The following CACNG2 variants were observed in gnomAD, a reference collection of about 807,000 sequenced individuals.
CACNG2 encodes the protein calcium voltage-gated channel auxiliary subunit gamma 2.
Under a neutral mutation model 25.9 loss-of-function variants are expected in CACNG2, and 3 were observed. The ratio of observed to expected loss-of-function variants is 0.12; its 90% confidence interval spans 0.05 to 0.30. The LOEUF (loss-of-function observed/expected upper bound fraction) is 0.30, where lower values mean the gene tolerates loss of function less well. Ranked by LOEUF, CACNG2 falls within the 10% of genes least tolerant of loss-of-function variation. The probability of loss-of-function intolerance (pLI) is 1.00; values close to 1 mark genes in which losing one functional copy is unlikely to be tolerated. For missense variants in CACNG2, 341 were observed against 432.5 expected (o/e 0.79, Z 1.88); for synonymous variants, 167 against 173.3 (o/e 0.96, Z 0.29).
rs1935068972 is a variant in CACNG2, at chr22:36,563,753, C to A, written c.*598G>T. Among the ~76,000 whole-genome samples, 1 of 151,804 alleles carries A rather than the reference C, an allele frequency of 6.6e-6. No individual in the cohort carries two copies. The highest frequency in any genetic ancestry group is 2.1e-4 in the South Asian group (1 of 4,816). On this transcript the variant is annotated 3_prime_UTR_variant, in exon 4 of 4. Coordinates refer to ENST00000300105, the MANE Select transcript of CACNG2 (RefSeq NM_006078.5). ...TGGCAGTGACTGCAGGCTCACCTGG[C>A]CCCAGGGCCCCTGAGTCTCGCCCCC...
chr22:36,671,161 C>A (rs1409011575), intron 1 of CACNG2, among the ~76,000 whole-genome samples: 1 of 152,144 alleles, frequency 6.6e-6, no homozygotes, highest in African/African-American at 2.4e-5. Flanking sequence ...TCATGATCTG[C>A]CTGCCTCAGC....
intron 1 of CACNG2, among the ~76,000 whole-genome samples, chr22:36,608,362 A>T (rs1357495035): frequency 6.6e-6 from 1 of 152,102 alleles, no homozygotes; most frequent in African/African-American, 2.4e-5. Flanking sequence ...CATCTCTTGT[A>T]TTGCTGTCTT....
chr22:36,697,892 G>A (rs1456585715), intron 1 of CACNG2, among the ~76,000 whole-genome samples: 7 of 152,152 alleles, frequency 4.6e-5, no homozygotes, highest in African/African-American at 1.7e-4. Context: ...GCAGAAAAGG[G>A]AAGAAAATCA....
At chr22:36,642,637 G>A (rs1433086348) in intron 1 of CACNG2, among the ~76,000 whole-genome samples, 1 of 152,202 alleles carries the variant, frequency 6.6e-6, no homozygotes, top group Non-Finnish European at 1.5e-5. Flanking sequence ...TTGATCATGA[G>A]GAATTTTCCT....
intron 2 of CACNG2, among the ~76,000 whole-genome samples, chr22:36,581,604 C>T (rs1168655119): frequency 6.6e-6 from 1 of 152,112 alleles, no homozygotes; most frequent in Non-Finnish European, 1.5e-5. Context: ...TGGGAGTTAC[C>T]CCAGACACCT....
intron 1 of CACNG2, among the ~76,000 whole-genome samples, chr22:36,684,395 C>G (rs1472020316): frequency 6.6e-6 from 1 of 151,930 alleles, no homozygotes; most frequent in Admixed American, 6.6e-5. Context: ...GTGGGTGGAT[C>G]CCTTGAGCTC....
At chr22:36,631,709 C>T (rs1936273966) in intron 1 of CACNG2, among the ~76,000 whole-genome samples, 1 of 151,374 alleles carries the variant, frequency 6.6e-6, no homozygotes, top group Non-Finnish European at 1.5e-5. Flanking sequence ...GGCAAACTAG[C>T]TGGAACTGCC....
At chr22:36,668,995 GC>G (rs1483987617) in intron 1 of CACNG2, among the ~76,000 whole-genome samples, 1 of 152,260 alleles carries the variant, frequency 6.6e-6, no homozygotes, top group Non-Finnish European at 1.5e-5. Flanking sequence ...TCTTTTCTTA[GC>G]CTGCTGATTC....
At chr22:36,663,354 A>G (rs1287067380) in intron 1 of CACNG2, among the ~76,000 whole-genome samples, 1 of 152,162 alleles carries the variant, frequency 6.6e-6, no homozygotes, top group Non-Finnish European at 1.5e-5. Flanking sequence ...ACTTCGAGGA[A>G]AGGGCCACCC....
At position 36,644,801 on chromosome 22, in the gene CACNG2, T is replaced by G. The variant is rs80187737; in HGVS notation, c.212-57253A>C. Among the ~76,000 whole-genome samples, 1,354 of 152,138 alleles carry G rather than the reference T, an allele frequency of 8.9e-3. 28 individuals are homozygous for G. The highest frequency in any genetic ancestry group is 0.031 in the African/African-American group (1,293 of 41,434). The stretch of plus-strand genomic sequence containing the variant: ...TGAATAAGCCCTATATAAGTGGTTT[T>G]TTTTGTTTGTTTTTGTTTTTGTTTT... On this transcript the variant is annotated intron_variant, in intron 1 of 3. Coordinates refer to ENST00000300105, the MANE Select transcript of CACNG2 (RefSeq NM_006078.5).
chr22:36,682,093 G>A (rs1396920672), intron 1 of CACNG2, among the ~76,000 whole-genome samples: 1 of 152,196 alleles, frequency 6.6e-6, no homozygotes, highest in Non-Finnish European at 1.5e-5. Context: ...GTGAATTTCT[G>A]CTCCTTTACA....
At chr22:36,650,795 T>G (rs1936599629) in intron 1 of CACNG2, among the ~76,000 whole-genome samples, 1 of 152,164 alleles carries the variant, frequency 6.6e-6, no homozygotes, top group Non-Finnish European at 1.5e-5. Context: ...GCTGGGATTT[T>G]AGGCATGAGC....
intron 1 of CACNG2, among the ~76,000 whole-genome samples, chr22:36,617,664 C>T (rs1239171568): frequency 6.7e-6 from 1 of 148,242 alleles, no homozygotes; most frequent in African/African-American, 2.5e-5. Context: ...AGTCTCTTTT[C>T]CCATCTTAAA....
chr22:36,686,714 G>C (rs73884138), intron 1 of CACNG2, among the ~76,000 whole-genome samples: 41 of 152,196 alleles, frequency 2.7e-4, no homozygotes, highest in Non-Finnish European at 4.3e-4. Context: ...CCTGGGACCC[G>C]GGCACAGGGG....
At chr22:36,624,132 T>A (rs1454543912) in intron 1 of CACNG2, among the ~76,000 whole-genome samples, 1 of 152,146 alleles carries the variant, frequency 6.6e-6, no homozygotes, top group Non-Finnish European at 1.5e-5. Flanking sequence ...GGGACCAGAT[T>A]CCCTGGAATT....
In CACNG2 at chr22:36,661,130, C is replaced by T. The variant is rs569678828; in HGVS notation, c.211+41236G>A. ...CGTGCTCGGACCCTCCCAGGCACAC[C>T]GTTTGAGAGCAGGCTTGGATTCAGT... On this transcript the variant is annotated intron_variant, in intron 1 of 3. Transcript: ENST00000300105. 9.2e-5 allele frequency among the ~76,000 whole-genome samples: 14 copies of T among 152,246 alleles called. 1 individual carries two copies. Among genetic ancestry groups the T allele is most frequent in the African/African-American group, 3.1e-4 (13 of 41,548 alleles).
chr22:36,659,402 CA>C lies in CACNG2; in HGVS notation c.211+42963del, dbSNP rs144358011. 3.2e-3 allele frequency among the ~76,000 whole-genome samples: 492 copies of C among 152,196 alleles called. 3 individuals carry two copies. The highest frequency in any genetic ancestry group is 0.011 in the African/African-American group (463 of 41,510). ...AGAGGAAGGAGTGTGTTAACCAGGT[CA>C]AAGGCTGCTCCACAGTGAACACTGT... is the stretch of plus-strand genomic sequence containing the variant. On this transcript the variant is annotated intron_variant, in intron 1 of 3. Transcript: ENST00000300105.
chr22:36,615,601 G>A (rs1475985), intron 1 of CACNG2, among the ~76,000 whole-genome samples: 80,621 of 152,018 alleles, frequency 0.53, 23,390 homozygotes, highest in Non-Finnish European at 0.64. Context: ...TTCTTATCAC[G>A]TACCCTGCAT....
intron 1 of CACNG2, among the ~76,000 whole-genome samples, chr22:36,597,958 G>C (rs933820636): frequency 2.1e-4 from 32 of 152,286 alleles, no homozygotes; most frequent in African/African-American, 7.7e-4. Context: ...AGCTCCTCAA[G>C]GGCAGAATTT....
Sources: gnomAD v4.1 joint callset for allele counts (sites outside exome capture counted in the v4.1 genomes callset) on GRCh38, gnomAD v4.1.1 for gene constraint, MANE v1.5 for transcripts, NCBI Gene and HGNC (gene_info 2026-07-23, HGNC 2026-07-21) for gene names.